Variants in RORA observed in about 807,000 individuals in gnomAD.
RORA encodes nuclear receptor ROR-alpha.
In RORA, 7 loss-of-function variants were observed where a neutral mutation model predicts 69.5. The observed-to-expected ratio is 0.10, with a 90% CI of 0.06 to 0.19. The LOEUF (loss-of-function observed/expected upper bound fraction) is 0.19. Ranked by LOEUF, RORA falls within the 10% of genes least tolerant of loss-of-function variation. RORA has a pLI of 1.00. For missense variants in RORA, 457 were observed against 663.0 expected (o/e 0.69, Z 3.41); for synonymous variants, 261 against 240.8 (o/e 1.08, Z -0.78).
intron 1 of RORA, among the ~76,000 whole-genome samples, chr15:61,166,259 TA>T (rs1373530513): frequency 6.6e-6 from 1 of 152,186 alleles, no homozygotes; most frequent in Admixed American, 6.5e-5. Context: ...ATTCACGATC[TA>T]TTAAACTGAC....
At chr15:60,853,131 C>A (rs905515697) in intron 1 of RORA, among the ~76,000 whole-genome samples, 1 of 152,286 alleles carries the variant, frequency 6.6e-6, no homozygotes, top group African/African-American at 2.4e-5. Flanking sequence ...GGCAGATCCA[C>A]ACGGTACACG....
At chr15:61,223,359 C>A (rs926565352) in intron 1 of RORA, among the ~76,000 whole-genome samples, 3 of 150,586 alleles carry the variant, frequency 2.0e-5, no homozygotes, top group Middle Eastern at 3.5e-3. Flanking sequence ...CTCTTTAACT[C>A]CAAAGAAAGA....
intron 1 of RORA, among the ~76,000 whole-genome samples, chr15:60,967,838 T>G (rs1320249525): frequency 2.0e-5 from 3 of 152,158 alleles, no homozygotes; most frequent in Non-Finnish European, 2.9e-5. Context: ...CACCTTTTAG[T>G]AAAAGGCTTC....
chr15:60,745,324 G>T (rs1027696057), intron 1 of RORA, among the ~76,000 whole-genome samples: 1 of 152,166 alleles, frequency 6.6e-6, no homozygotes, highest in East Asian at 1.9e-4. Context: ...CTCCCCATAC[G>T]TTCCCGTCAC....
chr15:60,941,092 T>C (rs572253119), intron 1 of RORA, among the ~76,000 whole-genome samples: 7 of 152,328 alleles, frequency 4.6e-5, no homozygotes, highest in African/African-American at 1.7e-4. Flanking sequence ...CAAAATCAAA[T>C]GAGCCAACTT....
chr15:60,617,362 C>T (rs905502486), intron 2 of RORA, among the ~76,000 whole-genome samples: 1 of 152,040 alleles, frequency 6.6e-6, no homozygotes, highest in Non-Finnish European at 1.5e-5. Flanking sequence ...AATTTGGGGG[C>T]CCTATTTTTA....
At chr15:61,159,719 G>A (rs2079477607) in intron 1 of RORA, among the ~76,000 whole-genome samples, 1 of 152,176 alleles carries the variant, frequency 6.6e-6, no homozygotes, top group South Asian at 2.1e-4. Flanking sequence ...CATTTTGAAT[G>A]TGCAATGGCA....
rs949727088 is a variant in RORA, at chr15:60,533,402, A to G, written c.197-1551T>C. 3.3e-5 allele frequency among the ~76,000 whole-genome samples: 5 copies of G among 152,208 alleles called. No homozygotes were observed. In the East Asian group the frequency reaches 5.8e-4, roughly 18 times the overall value. On this transcript the variant is annotated intron_variant, in intron 2 of 10. Transcript: ENST00000335670. ...AGTTAAGCAACTTAAGCAAGTTAATATGTTTAAGGTTGCATTCAACAAAAG... is the reference window on the plus strand; with the variant it reads ...AGTTAAGCAACTTAAGCAAGTTAATGTGTTTAAGGTTGCATTCAACAAAAG...
At chr15:60,914,903 G>C (rs763507716) in intron 1 of RORA, among the ~76,000 whole-genome samples, 10 of 152,160 alleles carry the variant, frequency 6.6e-5, no homozygotes, top group Non-Finnish European at 1.3e-4. Context: ...GTGAAGGGGA[G>C]GGCACTAATG....
chr15:60,951,455 G>A (rs1893091767), intron 1 of RORA, among the ~76,000 whole-genome samples: 1 of 151,162 alleles, frequency 6.6e-6, no homozygotes, highest in Admixed American at 6.6e-5. Flanking sequence ...AGAACTGAAG[G>A]AAACAGAGAC....
intron 1 of RORA, among the ~76,000 whole-genome samples, chr15:60,770,282 T>C (rs1429721857): frequency 1.3e-5 from 2 of 152,228 alleles, no homozygotes; most frequent in Non-Finnish European, 2.9e-5. Context: ...TTTCCTATTA[T>C]GTTTTTAATG....
intron 1 of RORA, among the ~76,000 whole-genome samples, chr15:60,696,719 C>T (rs944596336): frequency 1.3e-5 from 2 of 152,174 alleles, no homozygotes; most frequent in Admixed American, 6.5e-5. Context: ...ACCCACTCAC[C>T]GTGAAACACT....
At chr15:60,541,602 C>G (rs757991090) in intron 2 of RORA, among the ~76,000 whole-genome samples, 12 of 152,160 alleles carry the variant, frequency 7.9e-5, no homozygotes, top group Non-Finnish European at 1.6e-4. Context: ...AAGGGAAATA[C>G]AGAAAGAGGC....
At chr15:60,918,462 T>A (rs1176887854) in intron 1 of RORA, among the ~76,000 whole-genome samples, 1 of 152,220 alleles carries the variant, frequency 6.6e-6, no homozygotes, top group Non-Finnish European at 1.5e-5. Context: ...CACGGCAGGA[T>A]AATTTGCAGT....
intron 2 of RORA, among the ~76,000 whole-genome samples, chr15:60,589,044 A>C (rs80261128): frequency 0.013 from 1,919 of 152,330 alleles, 49 homozygotes; most frequent in African/African-American, 0.044. Flanking sequence ...CATTCTGCTC[A>C]GTAGTGGCAA....
chr15:60,604,024 G>A (rs865914053), intron 2 of RORA, among the ~76,000 whole-genome samples: 5 of 151,232 alleles, frequency 3.3e-5, no homozygotes, highest in African/African-American at 7.3e-5. Context: ...TGTAATCTAC[G>A]CAGGAGGCTG....
At chr15:60,714,183 A>G (rs2071186387) in intron 1 of RORA, among the ~76,000 whole-genome samples, 1 of 151,698 alleles carries the variant, frequency 6.6e-6, no homozygotes, top group African/African-American at 2.4e-5. Flanking sequence ...CCTCCCAAGT[A>G]GCTGAGATTA....
chr15:60,866,906 T>G (rs1006992589), intron 1 of RORA, among the ~76,000 whole-genome samples: 1 of 152,014 alleles, frequency 6.6e-6, no homozygotes, highest in African/African-American at 2.4e-5. Flanking sequence ...TGCTCTGTCA[T>G]CCAGGCTGGA....
intron 1 of RORA, among the ~76,000 whole-genome samples, chr15:61,067,005 T>C (rs930059119): frequency 4.6e-5 from 7 of 151,970 alleles, no homozygotes; most frequent in Non-Finnish European, 8.8e-5. Flanking sequence ...GCTGTAACCC[T>C]GATTTCAATG....
Sources: allele counts gnomAD v4.1 joint callset (sites outside exome capture counted in the v4.1 genomes callset), GRCh38; gene constraint gnomAD v4.1.1; transcripts MANE v1.5; gene names NCBI Gene and HGNC (gene_info 2026-07-23, HGNC 2026-07-21).